PABIR3: variants seen among roughly 807,000 people sequenced by gnomAD.
PABIR3 encodes the protein PABIR family member 1.
Under a neutral mutation model 23.1 loss-of-function variants are expected in PABIR3, and 20 were observed. That is an observed-to-expected ratio of 0.86 (90% CI 0.61 to 1.26). PABIR3 has a LOEUF of 1.26. Ranked by LOEUF, PABIR3 falls within the 50% of genes most tolerant of loss-of-function variation. The pLI, the probability that PABIR3 is intolerant of heterozygous loss-of-function variation, is 0.00. For synonymous variants in PABIR3, 69 were observed against 68.5 expected (o/e 1.01, Z -0.04); for missense variants, 189 against 195.4 (o/e 0.97, Z 0.20).
intron 9 of PABIR3, among the ~76,000 whole-genome samples, chrX:134,851,899 C>T (rs1267288833): frequency 9.0e-6 from 1 of 111,617 alleles, no homozygotes; most frequent in African/African-American, 3.3e-5. Context: ...CAGTTTTGCT[C>T]AGGTCCAGAA....
intron 2 of PABIR3, chrX:134,808,274 C>G (rs1160394801): frequency 1.0e-5 from 3 of 291,978 alleles, no homozygotes; most frequent in Non-Finnish European, 1.8e-5. Flanking sequence ...ACTGTAACCT[C>G]CGCCTCCTGG....
In PABIR3 at chrX:134,847,408, CCT is replaced by C. The variant is rs751871405; in HGVS notation, c.376_377del (p.Leu126LysfsTer4). The C allele has an allele frequency of 8.3e-7, 1 of 1,206,904 alleles. No homozygotes were observed. On this transcript the variant is annotated frameshift_variant, in exon 7 of 11. Transcript: ENST00000645433. LOFTEE classifies it high-confidence loss of function. Reference sequence around the variant, plus strand: ...AATGACAATGGCTTACAGAAATCATCCTCTCTAAAGTGCATTGATTTAACTCC... The same window carrying C: ...AATGACAATGGCTTACAGAAATCATCCTCTAAAGTGCATTGATTTAACTCC...
At chrX:134,843,918 C>CTTTT (rs1196514400) in intron 4 of PABIR3, among the ~76,000 whole-genome samples, 41 of 66,018 alleles carry the variant, frequency 6.2e-4, no homozygotes, top group African/African-American at 1.7e-3. Flanking sequence ...TATGCATGTT[C>CTTTT]TTTTTTTTTT....
At chrX:134,847,553 C>A in intron 7 of PABIR3, 78 bp downstream of exon 7, 2 of 725,099 alleles carry the variant, frequency 2.8e-6, no homozygotes, top group Non-Finnish European at 4.1e-6. Flanking sequence ...GTCACCAAAA[C>A]AAATATTTTG....
intron 4 of PABIR3, among the ~76,000 whole-genome samples, chrX:134,836,493 G>A (rs1161780091): frequency 8.9e-6 from 1 of 112,544 alleles, no homozygotes; most frequent in African/African-American, 3.2e-5. Context: ...GGTGTCAGTA[G>A]GGTTGATTCC....
At chrX:134,837,606 T>C (rs1229732983) in intron 4 of PABIR3, among the ~76,000 whole-genome samples, 3 of 112,280 alleles carry the variant, frequency 2.7e-5, no homozygotes, top group Non-Finnish European at 5.6e-5. Flanking sequence ...CTTACAGTTA[T>C]AATGCATGGC....
At chrX:134,800,242 A>C (rs1463850053) in intron 1 of PABIR3, among the ~76,000 whole-genome samples, 1 of 107,597 alleles carries the variant, frequency 9.3e-6, no homozygotes, top group African/African-American at 3.4e-5. Flanking sequence ...TGGAGGTTGC[A>C]GTGAGTTGAG....
Position 134,817,949 on chromosome X carries a change from T to C in PABIR3, c.189+3100T>C, listed in dbSNP as rs186458260. Among the ~76,000 whole-genome samples the C allele has an allele frequency of 6.3e-3, 704 of 111,270 alleles. 2 individuals are homozygous for C. The highest frequency in any genetic ancestry group is 0.011 in the Non-Finnish European group (568 of 53,065). ...TACTGCAATCACCCTGGCAAAGAGC[T>C]GATGGTAGCTTGGACTAGTGTGATG... On this transcript the variant is annotated intron_variant, in intron 3 of 10. Coordinates refer to ENST00000645433, the MANE Select transcript of PABIR3 (RefSeq NM_001388447.1).
At chrX:134,862,145 T>C in the PABIR3 span, among the ~76,000 whole-genome samples, 1 of 90,221 alleles carries the variant, frequency 1.1e-5, no homozygotes, top group Admixed American at 1.2e-4. Flanking sequence ...ATTGGCTGTT[T>C]TTTTTTTTTT....
intron 2 of PABIR3, among the ~76,000 whole-genome samples, chrX:134,812,346 C>T (rs962254158): frequency 1.8e-5 from 2 of 111,902 alleles, no homozygotes; most frequent in Non-Finnish European, 1.9e-5. Context: ...AGAAATAGCC[C>T]ATTAGTGTCC....
intron 2 of PABIR3, chrX:134,809,462 G>T: frequency 1.3e-6 from 1 of 751,966 alleles, no homozygotes; most frequent in Non-Finnish European, 1.6e-6. Flanking sequence ...ACTGCGCCTG[G>T]CCTAAATCTT....
chrX:134,829,676 T>G (rs1170458023), intron 4 of PABIR3, among the ~76,000 whole-genome samples: 1 of 111,671 alleles, frequency 9.0e-6, no homozygotes, highest in Non-Finnish European at 1.9e-5. Flanking sequence ...CTTAGTGATC[T>G]GAGTTCAGGG....
chrX:134,825,977 G>A (rs991268633), intron 3 of PABIR3, among the ~76,000 whole-genome samples: 1 of 108,933 alleles, frequency 9.2e-6, no homozygotes, highest in African/African-American at 3.3e-5. Context: ...CATCCAGAGT[G>A]ACATGTTTAT....
intron 8 of PABIR3, 50 bp from the exon 9 acceptor site, chrX:134,849,117 G>T: frequency 3.0e-6 from 2 of 656,872 alleles, no homozygotes; most frequent in South Asian, 1.1e-4. Context: ...AGTCATTGTT[G>T]ATTTTGTTAA....
Position 134,807,297 on chromosome X carries a change from C to T in PABIR3, c.-104C>T. Reference sequence around the variant, plus strand: ...GCTGAGAGAGATGGAGAAGGATTCGCGGCGGTGACAGATTAAATTCCCCAG... The same window carrying T: ...GCTGAGAGAGATGGAGAAGGATTCGTGGCGGTGACAGATTAAATTCCCCAG... On this transcript the variant is annotated 5_prime_UTR_variant, in exon 1 of 11. Transcript: ENST00000645433. 1 of 932,195 alleles carries T rather than the reference C, an allele frequency of 1.1e-6. No individual in the cohort carries two copies. Among genetic ancestry groups the T allele is most frequent in the Non-Finnish European group, 1.3e-6 (1 of 751,981 alleles). The allele number at this position is 932,195 out of a possible 1,213,427, so 76.8% of individuals were successfully genotyped here.
At chrX:134,802,401 A>G (rs1021978451), upstream of PABIR3, among the ~76,000 whole-genome samples, 1 of 111,362 alleles carries the variant, frequency 9.0e-6, no homozygotes, top group African/African-American at 3.3e-5. Flanking sequence ...GCACTCTCTA[A>G]AGGGGCATCC....
At chrX:134,815,362 A>T (rs1301500309) in intron 3 of PABIR3, among the ~76,000 whole-genome samples, 1 of 112,078 alleles carries the variant, frequency 8.9e-6, no homozygotes, top group Non-Finnish European at 1.9e-5. Flanking sequence ...TCTACTAATT[A>T]TCCTGTAAAC....
chrX:134,855,760 A>T (rs2082746549), downstream of PABIR3, among the ~76,000 whole-genome samples: 1 of 111,978 alleles, frequency 8.9e-6, no homozygotes, highest in Non-Finnish European at 1.9e-5. Flanking sequence ...TTATGAATAG[A>T]TGAAACCAAC....
At chrX:134,808,184 A>C (rs1052190356) in intron 2 of PABIR3, 19 of 293,223 alleles carry the variant, frequency 6.5e-5, no homozygotes, top group Non-Finnish European at 1.0e-4. Flanking sequence ...GGACTTTTTT[A>C]CATTTTTTTT....
Sources: gnomAD v4.1 joint callset for allele counts (sites outside exome capture counted in the v4.1 genomes callset) on GRCh38, gnomAD v4.1.1 for gene constraint, MANE v1.5 for transcripts, NCBI Gene and HGNC (gene_info 2026-07-23, HGNC 2026-07-21) for gene names.